The following IRAK3 variants were observed in gnomAD, a reference collection of about 807,000 sequenced individuals.
IRAK3 encodes the protein interleukin 1 receptor associated kinase 3.
In IRAK3, 57 loss-of-function variants were observed where a neutral mutation model predicts 56.6. The ratio of observed to expected loss-of-function variants is 1.01; its 90% CI spans 0.81 to 1.26. The LOEUF (loss-of-function observed/expected upper bound fraction) is 1.26. Ranked by LOEUF, IRAK3 falls within the 50% of genes most tolerant of loss-of-function variation. The pLI, the probability that IRAK3 is intolerant of heterozygous loss-of-function variation, is 0.00. For synonymous variants in IRAK3, 258 were observed against 255.7 expected (o/e 1.01, Z -0.09); for missense variants, 703 against 719.0 (o/e 0.98, Z 0.25).
At chr12:66,234,969 C>T in intron 8 of IRAK3, 6 of 1,614,016 alleles carry the variant, frequency 3.7e-6, no homozygotes, top group Non-Finnish European at 5.1e-6. Context: ...CTGTCAAAGT[C>T]GACAAAACCA....
rs2052808716 is a variant in IRAK3, at chr12:66,228,275, G to A, written c.792G>A (p.Trp264Ter). Residue 264 changes from tryptophan to a stop codon, truncating the protein, a stop_gained, in exon 8 of 12, where the codon TGG becomes TGA. Transcript: ENST00000261233. LOFTEE classifies it high-confidence loss of function. ...QCVGDTAPLP[W>*]HIRIGILIGI... ...AGGGTGACACGGCCCCACTCCCTTG[G>A]CACATTCGAATCGGTATATTAATAG... 1.2e-6 allele frequency: 2 copies of A among 1,613,824 alleles called. No homozygotes were observed. The highest frequency in any genetic ancestry group is 1.7e-6 in the Non-Finnish European group (2 of 1,179,890).
intron 8 of IRAK3, among the ~76,000 whole-genome samples, chr12:66,232,893 G>A (rs539272982): frequency 1.6e-4 from 25 of 152,168 alleles, no homozygotes; most frequent in African/African-American, 6.0e-4. Context: ...TTTTATTGGA[G>A]GAGTGAACAA....
chr12:66,228,472 A>G (rs1350889034), intron 8 of IRAK3, 102 bp downstream of exon 8: 6 of 827,944 alleles, frequency 7.2e-6, no homozygotes, highest in Non-Finnish European at 1.3e-5. Flanking sequence ...CCTGGTATGT[A>G]TGTGTGTGTG....
chr12:66,236,303 C>T (rs569246112), intron 8 of IRAK3, among the ~76,000 whole-genome samples: 38 of 149,768 alleles, frequency 2.5e-4, no homozygotes, highest in Non-Finnish European at 3.1e-4. Flanking sequence ...AATCCTAGCA[C>T]TTTGGGAGGC....
chr12:66,215,786 G>GCAAGTGCACGTGCGCGCGCGCGCGCA (rs1555203486), intron 5 of IRAK3, among the ~76,000 whole-genome samples: 7 of 122,834 alleles, frequency 5.7e-5, no homozygotes, highest in African/African-American at 2.2e-4. Context: ...AACCCAACAT[G>GCAAGTGCACGTGCGCGCGCGCGCGCA]CACACACACA....
At chr12:66,233,203 A>G (rs143146770) in intron 8 of IRAK3, among the ~76,000 whole-genome samples, 37 of 152,280 alleles carry the variant, frequency 2.4e-4, no homozygotes, top group Admixed American at 1.4e-3. Context: ...ATAGAAAAGG[A>G]TAAGACACTT....
At chr12:66,196,806 T>G in intron 1 of IRAK3, 1 of 1,388,958 alleles carries the variant, frequency 7.2e-7, no homozygotes, top group Non-Finnish European at 9.4e-7. Context: ...ACCTTAAAAG[T>G]TCTTTTAAAA....
chr12:66,234,453 G>A (rs1014711576), intron 8 of IRAK3: 11 of 1,611,098 alleles, frequency 6.8e-6, no homozygotes, highest in Admixed American at 5.0e-5. Context: ...GTGATCATTC[G>A]GTTTGTAGCA....
Position 66,244,515 on chromosome 12 carries a change from A to C in IRAK3, c.917A>C (p.Gln306Pro). The change falls in exon 9 of 12, where the codon CAA becomes CCA. Residue 306 changes from glutamine (Q) to proline (P), a missense_variant. Gln to Pro is a moderately conservative substitution (Grantham distance 76). Coordinates refer to ENST00000261233, the MANE Select transcript of IRAK3 (RefSeq NM_007199.3). ...SANILLDDQF[Q>P]PKLTDFAMAH... ...AACATCCTTTTGGATGATCAGTTTC[A>C]ACCCAAACTAACTGATTTTGCCATG... The C allele has an allele frequency of 1.2e-6, 2 of 1,614,144 alleles. No individual in the cohort carries two copies. The highest frequency in any genetic ancestry group is 1.7e-5 in the Admixed American group (1 of 60,026).
intron 8 of IRAK3, among the ~76,000 whole-genome samples, chr12:66,228,967 C>T (rs558129520): frequency 1.9e-4 from 29 of 152,292 alleles, no homozygotes; most frequent in African/African-American, 7.0e-4. Context: ...AGGATGTAAC[C>T]TCATAAGTTG....
In IRAK3 at chr12:66,253,535, C is replaced by G. The variant is rs1241257240; in HGVS notation, c.*5364C>G. 1.3e-5 allele frequency: 2 copies of G among 152,154 alleles called. No individual in the cohort carries two copies. Among genetic ancestry groups the G allele is most frequent in the African/African-American group, 2.4e-5 (1 of 41,450 alleles). 9.4% of individuals were successfully genotyped at this position (152,154 alleles called of 1,614,324 possible). ...CAAAAGACCTGTATTGCCTGCCAAA[C>G]CTTCATTTAAGAGACTCATTATGGA... On this transcript the variant is annotated 3_prime_UTR_variant, in exon 12 of 12. Coordinates refer to ENST00000261233, the MANE Select transcript of IRAK3 (RefSeq NM_007199.3).
chr12:66,226,942 G>T, intron 7 of IRAK3, 105 bp downstream of exon 7: 1 of 747,938 alleles, frequency 1.3e-6, no homozygotes, highest in Admixed American at 2.0e-5. Flanking sequence ...GTTTGCATGA[G>T]GGGAAAGCCA....
intron 8 of IRAK3, among the ~76,000 whole-genome samples, chr12:66,240,331 G>A (rs965729545): frequency 3.9e-5 from 6 of 152,140 alleles, no homozygotes; most frequent in Admixed American, 1.3e-4. Flanking sequence ...CCTTTGCACC[G>A]AGTGCCTAGA....
intron 6 of IRAK3, among the ~76,000 whole-genome samples, chr12:66,225,576 C>A (rs1184597322): frequency 6.6e-6 from 1 of 151,978 alleles, no homozygotes. Flanking sequence ...TATCCCCAAG[C>A]CTGCCCAGAA....
At chr12:66,205,578 A>G (rs1006426178) in intron 2 of IRAK3, among the ~76,000 whole-genome samples, 3 of 152,218 alleles carry the variant, frequency 2.0e-5, no homozygotes, top group Non-Finnish European at 2.9e-5. Context: ...GGCGTTTCCT[A>G]TCATAGCTAC....
At chr12:66,242,949 C>T (rs916014326) in intron 8 of IRAK3, among the ~76,000 whole-genome samples, 1 of 151,982 alleles carries the variant, frequency 6.6e-6, no homozygotes, top group African/African-American at 2.4e-5. Flanking sequence ...GCCTGTAATC[C>T]CAGCTACTCA....
At position 66,247,794 on chromosome 12, in the gene IRAK3, G is replaced by A. The variant is rs967445749; in HGVS notation, c.1414G>A (p.Glu472Lys). Residue 472 changes from glutamate to lysine, a missense_variant, in exon 12 of 12, where the codon GAG becomes AAG. Transcript: ENST00000261233. ...SFRCPSPLFLENVPSIPVEDD... is the reference protein window; with the variant it reads ...SFRCPSPLFLKNVPSIPVEDD... ...CAGGTGTCCTTCTCCTCTATTCCTG[G>A]AGAATGTACCAAGTATTCCAGTGGA... 1 of 1,614,024 alleles carries A rather than the reference G, an allele frequency of 6.2e-7. No homozygotes were observed. Among genetic ancestry groups the A allele is most frequent in the East Asian group, 2.2e-5 (1 of 44,884 alleles).
intron 6 of IRAK3, among the ~76,000 whole-genome samples, chr12:66,223,324 C>G (rs976143459): frequency 6.6e-6 from 1 of 152,010 alleles, no homozygotes; most frequent in African/African-American, 2.4e-5. Context: ...TTTTCTTTTG[C>G]GGATTCCAGA....
intron 6 of IRAK3, among the ~76,000 whole-genome samples, chr12:66,224,958 A>T (rs540923956): frequency 6.6e-6 from 1 of 152,208 alleles, no homozygotes; most frequent in Non-Finnish European, 1.5e-5. Context: ...GTAGCAAAAG[A>T]TTGGGTGGCA....
Sources: allele counts gnomAD v4.1 joint callset (sites outside exome capture counted in the v4.1 genomes callset), GRCh38; gene constraint gnomAD v4.1.1; transcripts MANE v1.5; gene names NCBI Gene and HGNC (gene_info 2026-07-23, HGNC 2026-07-21).